The following GPHN variants were observed in gnomAD, a reference collection of about 807,000 sequenced individuals.
The protein encoded by GPHN is gephyrin.
GPHN carries 17 observed loss-of-function variants against 95.5 expected under a neutral mutation model. That is an observed-to-expected ratio of 0.18 (90% CI 0.12 to 0.27). The LOEUF (loss-of-function observed/expected upper bound fraction) is 0.27, where lower values mean the gene tolerates loss of function less well. GPHN is among the 10% of genes least tolerant of loss of function. The probability of loss-of-function intolerance (pLI) is 1.00; values close to 1 mark genes in which losing one functional copy is unlikely to be tolerated. For synonymous variants in GPHN, 320 were observed against 322.5 expected (o/e 0.99, Z 0.08); for missense variants, 660 against 978.1 (o/e 0.67, Z 4.34).
intron 11 of GPHN, among the ~76,000 whole-genome samples, chr14:67,065,304 G>A: frequency 6.6e-6 from 1 of 152,154 alleles, no homozygotes; most frequent in African/African-American, 2.4e-5. Flanking sequence ...GAGACAGTAT[G>A]TTGTGATTTC....
the GPHN span, among the ~76,000 whole-genome samples, chr14:67,660,937 C>A: frequency 2.6e-5 from 4 of 152,116 alleles, no homozygotes; most frequent in African/African-American, 9.7e-5. Flanking sequence ...AAGAAAAGCT[C>A]CCAGTACTCC....
the GPHN span, among the ~76,000 whole-genome samples, chr14:67,277,515 G>C: frequency 6.6e-6 from 1 of 152,038 alleles, no homozygotes; most frequent in Admixed American, 6.6e-5. Context: ...AGTTGGCATT[G>C]TGCTCTAACC....
chr14:66,587,796 G>A (rs182771133), intron 1 of GPHN, among the ~76,000 whole-genome samples: 5 of 152,292 alleles, frequency 3.3e-5, no homozygotes, highest in Admixed American at 6.5e-5. Flanking sequence ...GGGAATGGGC[G>A]GCTCTGGGTG....
chr14:66,989,401 C>T (rs1274801248), intron 9 of GPHN, among the ~76,000 whole-genome samples: 2 of 151,692 alleles, frequency 1.3e-5, no homozygotes, highest in African/African-American at 2.4e-5. Context: ...AAACTGAGAC[C>T]AAAAAGTTGA....
intron 1 of GPHN, among the ~76,000 whole-genome samples, chr14:66,571,028 A>C (rs568064513): frequency 2.0e-5 from 3 of 152,128 alleles, no homozygotes; most frequent in Non-Finnish European, 4.4e-5. Context: ...TATCAAACGT[A>C]TGGGGTGTAT....
At chr14:66,796,703 C>T (rs1745966986) in intron 3 of GPHN, among the ~76,000 whole-genome samples, 2 of 151,774 alleles carry the variant, frequency 1.3e-5, no homozygotes, top group African/African-American at 4.8e-5. Context: ...TGTTGAGCTC[C>T]TTATATATTC....
At chr14:67,498,609 G>C in the GPHN span, among the ~76,000 whole-genome samples, 1 of 152,224 alleles carries the variant, frequency 6.6e-6, no homozygotes, top group Non-Finnish European at 1.5e-5. Flanking sequence ...GGAATGAGCA[G>C]AATTAGGGTG....
the GPHN span, among the ~76,000 whole-genome samples, chr14:67,263,617 A>G: frequency 4.6e-5 from 7 of 152,332 alleles, no homozygotes; most frequent in South Asian, 2.1e-4. Context: ...TTCTGATGTC[A>G]TACAGACTTG....
At chr14:67,075,482 G>T (rs962610778) in intron 11 of GPHN, among the ~76,000 whole-genome samples, 3 of 152,132 alleles carry the variant, frequency 2.0e-5, no homozygotes, top group Non-Finnish European at 4.4e-5. Context: ...CAATATTCAA[G>T]TGTTATTATT....
In GPHN at chr14:67,093,579, ATTTAG is replaced by A. The variant is rs1486126780; in HGVS notation, c.1237+4512_1237+4516del. ...GTGAATAGATAAATAATTTGGAATA[ATTTAG>A]TTTAGTTAATTCCAAAAAGAAAATA... On this transcript the variant is annotated intron_variant, in intron 12 of 22. Coordinates refer to ENST00000478722, the MANE Select transcript of GPHN (RefSeq NM_020806.5). 4.6e-5 allele frequency among the ~76,000 whole-genome samples: 7 copies of A among 152,260 alleles called. No homozygotes were observed. The East Asian group carries it at 1.3e-3, about 29-fold the overall frequency.
At chr14:67,572,031 C>G in the GPHN span, 3 of 1,485,588 alleles carry the variant, frequency 2.0e-6, no homozygotes, top group African/African-American at 1.4e-5. Flanking sequence ...ACCCCCAGCC[C>G]CAGAGACCGG....
At chr14:66,864,829 G>C (rs1469947034) in intron 4 of GPHN, among the ~76,000 whole-genome samples, 1 of 152,032 alleles carries the variant, frequency 6.6e-6, no homozygotes, top group Non-Finnish European at 1.5e-5. Context: ...CCATGTTTCT[G>C]GCAGCACTGT....
intron 11 of GPHN, among the ~76,000 whole-genome samples, chr14:67,083,524 CT>C (rs1368417182): frequency 6.6e-6 from 1 of 152,182 alleles, no homozygotes; most frequent in East Asian, 1.9e-4. Context: ...CCAATTAAAC[CT>C]CTTATCTTTA....
At chr14:66,960,667 A>G (rs2153584484) in intron 8 of GPHN, among the ~76,000 whole-genome samples, 1 of 152,216 alleles carries the variant, frequency 6.6e-6, no homozygotes, top group South Asian at 2.1e-4. Context: ...ATGTTAGGTC[A>G]CACTTCAACA....
intron 1 of GPHN, among the ~76,000 whole-genome samples, chr14:66,561,597 G>C (rs2060247402): frequency 6.6e-6 from 1 of 152,038 alleles, no homozygotes. Flanking sequence ...CAAATATTTA[G>C]CTATTGGACT....
chr14:66,621,668 C>CGCCTCG (rs1555362923), intron 1 of GPHN, among the ~76,000 whole-genome samples: 1 of 148,560 alleles, frequency 6.7e-6, no homozygotes, highest in Non-Finnish European at 1.5e-5. Flanking sequence ...TGTGATCCAC[C>CGCCTCG]GCCTCGGCCT....
At chr14:66,659,159 A>T (rs931046743) in intron 1 of GPHN, among the ~76,000 whole-genome samples, 1 of 150,334 alleles carries the variant, frequency 6.7e-6, no homozygotes, top group African/African-American at 2.4e-5. Flanking sequence ...CAGTTTACAG[A>T]GTGTGTGTGT....
At chr14:67,397,719 C>A in the GPHN span, 7 of 1,613,554 alleles carry the variant, frequency 4.3e-6, no homozygotes, top group South Asian at 7.7e-5. Context: ...CCAGGAGGAT[C>A]CGGCCCTTGG....
At chr14:66,602,873 T>C (rs2062324294) in intron 1 of GPHN, among the ~76,000 whole-genome samples, 3 of 151,842 alleles carry the variant, frequency 2.0e-5, no homozygotes, top group African/African-American at 7.2e-5. Context: ...GTGCCAAGAG[T>C]TATTGAACAT....
Sources: allele counts gnomAD v4.1 joint callset (sites outside exome capture counted in the v4.1 genomes callset), GRCh38; gene constraint gnomAD v4.1.1; transcripts MANE v1.5; gene names NCBI Gene and HGNC (gene_info 2026-07-23, HGNC 2026-07-21).